The following RELN variants were observed in gnomAD, a reference collection of about 807,000 sequenced individuals.
RELN encodes the protein reelin.
In RELN, 108 loss-of-function variants were observed where a neutral mutation model predicts 427.6. The ratio of observed to expected loss-of-function variants is 0.25; its 90% CI spans 0.22 to 0.30. RELN has a LOEUF of 0.30. Among genes scored for constraint, RELN ranks in the 10% least tolerant of loss-of-function variants. The pLI, the probability that RELN is intolerant of heterozygous loss-of-function variation, is 1.00. For synonymous variants in RELN, 1,524 were observed against 1,513.4 expected (o/e 1.01, Z -0.16); for missense variants, 3,715 against 4,302.8 (o/e 0.86, Z 3.82).
intron 64 of RELN, among the ~76,000 whole-genome samples, 186 bp downstream of exon 64, chr7:103,478,203 A>G (rs1224488092): frequency 6.6e-6 from 1 of 151,612 alleles, no homozygotes; most frequent in Admixed American, 6.6e-5. Context: ...AATTTGACTG[A>G]CTCCGAATTT....
chr7:103,725,240 T>C (rs1790176137), intron 7 of RELN, among the ~76,000 whole-genome samples: 1 of 152,156 alleles, frequency 6.6e-6, no homozygotes, highest in Non-Finnish European at 1.5e-5. Flanking sequence ...TAAAATGCAT[T>C]TTCAAATATG....
At chr7:103,742,132 C>T (rs550518248) in intron 6 of RELN, among the ~76,000 whole-genome samples, 45 of 152,264 alleles carry the variant, frequency 3.0e-4, no homozygotes, top group African/African-American at 9.1e-4. Context: ...CTGCAGCCAC[C>T]GCTGCTGATA....
intron 6 of RELN, among the ~76,000 whole-genome samples, chr7:103,742,484 T>C (rs1790691746): frequency 6.6e-6 from 1 of 151,982 alleles, no homozygotes; most frequent in Non-Finnish European, 1.5e-5. Context: ...CAGGAGGAAA[T>C]TCAAACCAAT....
rs367980074 is a variant in RELN, at chr7:103,486,299, C to T, written c.9881G>A (p.Gly3294Asp). Reference protein sequence around the residue: ...ETIQGGVIGSGCGQLAPYAHG... With the variant: ...ETIQGGVIGSDCGQLAPYAHG... ...GGCGTAGGGGGCCAGCTGCCCACAG[C>T]CACTTCCTATGACTCCACCTTGAAT... Residue 3294 changes from glycine to aspartate, a missense_variant, in exon 61 of 65, where the codon GGC (glycine) becomes GAC (aspartate). Around this residue, in one of 4 missense-constraint regions of RELN, gnomAD observed 195 missense variants for 281.3 expected, o/e 0.69. Transcript: ENST00000428762. The T allele has an allele frequency of 1.2e-6, 2 of 1,614,146 alleles. No individual in the cohort carries two copies. The highest frequency in any genetic ancestry group is 1.7e-6 in the Non-Finnish European group (2 of 1,180,016).
chr7:103,526,871 C>T (rs543821325), intron 46 of RELN, among the ~76,000 whole-genome samples: 1 of 152,152 alleles, frequency 6.6e-6, no homozygotes, highest in East Asian at 1.9e-4. Context: ...ATAATGATGG[C>T]CACCATCAGC....
At chr7:103,955,006 A>C (rs1796404947) in intron 1 of RELN, among the ~76,000 whole-genome samples, 1 of 152,258 alleles carries the variant, frequency 6.6e-6, no homozygotes, top group South Asian at 2.1e-4. Flanking sequence ...GTTTTAGCTA[A>C]TGCCAGATCA....
In RELN at chr7:103,594,332, T is replaced by G. The variant is rs758305250; in HGVS notation, c.3700A>C (p.Thr1234Pro). ...QKQIIPVINP[T>P]LPQNFYEKPA... ...ACATAGGAGAATACCTGAGGTAAAG[T>G]TGGATTGATAACTGGGATGATCTGC... The change falls in exon 26 of 65, where the codon ACT becomes CCT. Residue 1234 changes from threonine to proline, a missense_variant. Coordinates refer to ENST00000428762, the MANE Select transcript of RELN (RefSeq NM_005045.4). 1 of 1,613,718 alleles carries G rather than the reference T, an allele frequency of 6.2e-7. No homozygotes were observed. Among genetic ancestry groups the G allele is most frequent in the Non-Finnish European group, 8.5e-7 (1 of 1,179,816 alleles).
intron 2 of RELN, among the ~76,000 whole-genome samples, chr7:103,837,734 C>T (rs1793444281): frequency 6.6e-6 from 1 of 152,204 alleles, no homozygotes; most frequent in East Asian, 1.9e-4. Flanking sequence ...GATGTCCTCC[C>T]TCTGTGGCAT....
chr7:103,502,574 C>A (rs922525543), intron 52 of RELN, among the ~76,000 whole-genome samples: 2 of 152,122 alleles, frequency 1.3e-5, no homozygotes, highest in African/African-American at 4.8e-5. Flanking sequence ...AAAATGGATC[C>A]CATAAGTCAC....
chr7:103,896,200 A>G (rs1223649834), intron 2 of RELN, among the ~76,000 whole-genome samples: 1 of 152,146 alleles, frequency 6.6e-6, no homozygotes, highest in African/African-American at 2.4e-5. Flanking sequence ...GACGCAGAGC[A>G]ATTGCAACTC....
At chr7:103,932,514 C>A (rs1795888690) in intron 1 of RELN, among the ~76,000 whole-genome samples, 1 of 152,182 alleles carries the variant, frequency 6.6e-6, no homozygotes, top group Non-Finnish European at 1.5e-5. Flanking sequence ...TATAACAAAT[C>A]TGCACGTGTA....
In RELN at chr7:103,510,976, AATC is replaced by A; in HGVS notation, c.8146_8148del (p.Asp2716del). Reference sequence around the variant, plus strand: ...GAGTCACAGAATCTTTCTACTGTACAATCATCATGGAATAGCCAGTGCTCATTC... The same window carrying A: ...GAGTCACAGAATCTTTCTACTGTACAATCATGGAATAGCCAGTGCTCATTC... On this transcript the variant is annotated inframe_deletion, in exon 51 of 65. Coordinates refer to ENST00000428762, the MANE Select transcript of RELN (RefSeq NM_005045.4). 8 of 1,613,830 alleles carry A rather than the reference AATC, an allele frequency of 5.0e-6. No homozygotes were observed. The highest frequency in any genetic ancestry group is 6.8e-6 in the Non-Finnish European group (8 of 1,179,742).
chr7:103,801,906 C>CTAGCAG (rs1792478447), intron 3 of RELN, among the ~76,000 whole-genome samples: 1 of 152,132 alleles, frequency 6.6e-6, no homozygotes, highest in Non-Finnish European at 1.5e-5. Flanking sequence ...ATTAGTAGTA[C>CTAGCAG]TAGCAGTAGC....
At chr7:103,635,898 G>A (rs1372498270) in intron 18 of RELN, among the ~76,000 whole-genome samples, 2 of 152,070 alleles carry the variant, frequency 1.3e-5, no homozygotes, top group Non-Finnish European at 2.9e-5. Flanking sequence ...CTGGGGGAAG[G>A]GAAGTTGTAG....
chr7:103,925,347 G>A (rs1161609898), intron 1 of RELN, among the ~76,000 whole-genome samples: 1 of 151,788 alleles, frequency 6.6e-6, no homozygotes, highest in Non-Finnish European at 1.5e-5. Flanking sequence ...ATTTAATTCT[G>A]AATTTTTAAA....
intron 3 of RELN, among the ~76,000 whole-genome samples, chr7:103,797,047 TACTCC>T: frequency 7.2e-5 from 11 of 152,154 alleles, no homozygotes; most frequent in African/African-American, 2.2e-4. Flanking sequence ...AAGTTCCTTT[TACTCC>T]TTTAAATGTT....
chr7:103,494,532 G>A (rs1361235192), intron 57 of RELN, among the ~76,000 whole-genome samples: 7 of 128,450 alleles, frequency 5.4e-5, no homozygotes, highest in Non-Finnish European at 4.7e-5. Flanking sequence ...ATGCCACCAC[G>A]CCCAGCTAAT....
At chr7:103,734,641 G>A (rs1466448174) in intron 6 of RELN, among the ~76,000 whole-genome samples, 2 of 152,092 alleles carry the variant, frequency 1.3e-5, no homozygotes, top group Non-Finnish European at 2.9e-5. Context: ...TCAAGTGAGA[G>A]GGGACTTGAA....
At chr7:103,741,919 T>C (rs1358774580) in intron 6 of RELN, among the ~76,000 whole-genome samples, 1 of 152,118 alleles carries the variant, frequency 6.6e-6, no homozygotes, top group Non-Finnish European at 1.5e-5. Flanking sequence ...AAGAGAGTAG[T>C]GGTTCTCCCC....
Sources: allele counts gnomAD v4.1 joint callset (sites outside exome capture counted in the v4.1 genomes callset), GRCh38; gene constraint gnomAD v4.1.1; regional missense constraint gnomAD v4.1.1; transcripts MANE v1.5; gene names NCBI Gene and HGNC (gene_info 2026-07-23, HGNC 2026-07-21).